TULP4: variants seen among roughly 807,000 people sequenced by gnomAD.
TULP4 encodes TUB like protein 4.
In TULP4, 16 loss-of-function variants were observed where a neutral mutation model predicts 129.0. The ratio of observed to expected loss-of-function variants is 0.12; its 90% CI spans 0.08 to 0.19. The LOEUF is 0.19. Among genes scored for constraint, TULP4 ranks in the 10% least tolerant of loss-of-function variants. TULP4 has a pLI of 1.00. For missense variants in TULP4, 1,842 were observed against 2,059.1 expected, an observed-to-expected ratio of 0.89 and a Z score of 2.04; for synonymous variants, 998 against 854.0, an observed-to-expected ratio of 1.17 and a Z score of -2.94.
chr6:158,436,895 G>T (rs931172504), intron 3 of TULP4, among the ~76,000 whole-genome samples: 1 of 152,170 alleles, frequency 6.6e-6, no homozygotes, highest in African/African-American at 2.4e-5. Flanking sequence ...TAGAAAGTGG[G>T]TAGGTTTATC....
At chr6:158,250,945 T>C (rs1313979000) in intron 1 of TULP4, among the ~76,000 whole-genome samples, 2 of 152,204 alleles carry the variant, frequency 1.3e-5, no homozygotes, top group African/African-American at 4.8e-5. Context: ...CACTTATTCA[T>C]TATTTATTAC....
intron 13 of TULP4, among the ~76,000 whole-genome samples, chr6:158,505,168 G>A (rs758803709): frequency 1.8e-4 from 28 of 152,232 alleles, no homozygotes; most frequent in Admixed American, 2.0e-4. Context: ...TTGGGTCCTA[G>A]TTCTTCCCTG....
chr6:158,503,950 C>G lies in TULP4; in HGVS notation c.4287C>G (p.Gly1429=), dbSNP rs763099063. 1.9e-6 allele frequency: 3 copies of G among 1,613,664 alleles called. No homozygotes were observed. The Admixed American group carries it at 5.0e-5, about 27-fold the overall frequency. ...LMNQSQGSRK[G]WKSKRSPRAA... ...ACCAGAGCCAGGGCAGCAGAAAGGGCTGGAAAAGCAAGCGCTCCCCACGGG... is the reference window on the plus strand; with the variant it reads ...ACCAGAGCCAGGGCAGCAGAAAGGGGTGGAAAAGCAAGCGCTCCCCACGGG... The change falls in exon 13 of 14, where the codon GGC becomes GGG. Residue 1429 remains glycine (G), a synonymous_variant. Transcript: ENST00000367097. This position sits in a 1 kb window ranked among gnomAD's most constrained non-coding sequence, Gnocchi z 4.3.
chr6:158,502,757 C>T lies in TULP4; in HGVS notation c.3094C>T (p.Pro1032Ser). The change falls in exon 13 of 14, where the codon CCT (proline) becomes TCT (serine). Residue 1032 changes from proline to serine, a missense_variant. Pro to Ser is a moderately conservative substitution (Grantham distance 74). Around this residue, in one of 5 missense-constraint regions of TULP4, gnomAD observed 1,089 missense variants for 987.1 expected, o/e 1.10. Transcript: ENST00000367097. Reference protein sequence around the residue: ...VVTQLPARPPPALYTCSQCSG... With the variant: ...VVTQLPARPPSALYTCSQCSG... Reference sequence around the variant, plus strand: ...GACACAGCTCCCAGCGCGGCCCCCACCTGCCCTGTACACCTGCAGTCAGTG... The same window carrying T: ...GACACAGCTCCCAGCGCGGCCCCCATCTGCCCTGTACACCTGCAGTCAGTG... 4 of 1,598,354 alleles carry T rather than the reference C, an allele frequency of 2.5e-6. No individual in the cohort carries two copies. The South Asian group carries it at 4.4e-5, about 18-fold the overall frequency.
intron 1 of TULP4, among the ~76,000 whole-genome samples, chr6:158,287,081 T>C (rs1331836775): frequency 6.6e-6 from 1 of 152,178 alleles, no homozygotes; most frequent in Admixed American, 6.5e-5. Flanking sequence ...GTTCATATTG[T>C]AGTAGGGAAG....
In TULP4 at chr6:158,413,309, G is replaced by A; in HGVS notation, c.381+116G>A. 2.5e-6 allele frequency: 3 copies of A among 1,215,826 alleles called. No homozygotes were observed. Among genetic ancestry groups the A allele is most frequent in the Non-Finnish European group, 3.3e-6 (3 of 907,450 alleles). The allele number at this position is 1,215,826 out of a possible 1,614,324, so 75.3% of individuals were successfully genotyped here. On this transcript the variant is annotated intron_variant, in intron 2 of 13. Transcript: ENST00000367097. This position sits in a 1 kb window ranked among gnomAD's most constrained non-coding sequence, Gnocchi z 4.9. ...AGCGCCACGTGCTCCAGAGCTGGGG[G>A]AAGAGAAATCAATCAAATTAGAATC...
intron 13 of TULP4, among the ~76,000 whole-genome samples, chr6:158,506,162 G>A (rs1037706448): frequency 4.7e-5 from 7 of 150,522 alleles, no homozygotes; most frequent in South Asian, 2.1e-4. Context: ...TCTCATAGAC[G>A]GTGCTGTCTG....
intron 1 of TULP4, among the ~76,000 whole-genome samples, chr6:158,323,269 A>G (rs558965872): frequency 1.3e-4 from 20 of 152,200 alleles, no homozygotes; most frequent in Non-Finnish European, 2.4e-4. Flanking sequence ...TGAGCATGCT[A>G]CACTTTTTAT....
rs1780293825 is a variant in TULP4 at position 158,494,806 on chromosome 6, T to C, written c.1830T>C (p.Ile610=). Residue 610 remains isoleucine (I), a synonymous_variant, in exon 11 of 14, where the codon ATT becomes ATC. Coordinates refer to ENST00000367097, the MANE Select transcript of TULP4 (RefSeq NM_020245.5). ...TSNIWGTKFK[I]VGLAAFLPTN... is the part of the protein sequence containing the mutation. Reference sequence around the variant, plus strand: ...ATATCTGGGGAACCAAATTTAAGATTGTGGGCTTGGCTGCTTTCCTGCCAA... The same window carrying C: ...ATATCTGGGGAACCAAATTTAAGATCGTGGGCTTGGCTGCTTTCCTGCCAA... 4.3e-6 allele frequency: 7 copies of C among 1,614,140 alleles called. No homozygotes were observed. The highest frequency in any genetic ancestry group is 5.9e-6 in the Non-Finnish European group (7 of 1,180,028).
At chr6:158,235,181 GAA>G (rs371171313) in intron 1 of TULP4, among the ~76,000 whole-genome samples, 1 of 136,290 alleles carries the variant, frequency 7.3e-6, no homozygotes. Flanking sequence ...CTGTCTCAAA[GAA>G]AAAAAAAAAA....
rs115368748 is a variant in TULP4 at position 158,502,542 on chromosome 6, C to T, written c.2879C>T (p.Pro960Leu). The change falls in exon 13 of 14, where the codon CCG becomes CTG. Residue 960 changes from proline to leucine, a missense_variant. Coordinates refer to ENST00000367097, the MANE Select transcript of TULP4 (RefSeq NM_020245.5). ...RYSIPTGDPPPYPEIASQLAQ... is the reference protein window; with the variant it reads ...RYSIPTGDPPLYPEIASQLAQ... ...TCCATCCCCACCGGGGACCCACCCCCGTATCCTGAAATTGCCAGCCAGCTG... is the reference window on the plus strand; with the variant it reads ...TCCATCCCCACCGGGGACCCACCCCTGTATCCTGAAATTGCCAGCCAGCTG... 1.1e-4 allele frequency: 170 copies of T among 1,609,628 alleles called. No individual in the cohort carries two copies. Among genetic ancestry groups the T allele is most frequent in the South Asian group, 2.0e-4 (18 of 91,088 alleles).
chr6:158,349,551 AGAC>A (rs1780439480), intron 1 of TULP4, among the ~76,000 whole-genome samples: 3 of 124,014 alleles, frequency 2.4e-5, no homozygotes, highest in African/African-American at 3.1e-5. Flanking sequence ...CTCACATCCC[AGAC>A]GATGGGTGGC....
rs1562493298 is a variant in TULP4, at chr6:158,246,026, GT to G, written n.68+13724del. Reference sequence around the variant, plus strand: ...AGTAATTTGCCTACCCCTTAGGGGTGTGTGTGTGTGTGTGTGTGTGTGTGTG... The same window carrying G: ...AGTAATTTGCCTACCCCTTAGGGGTGGTGTGTGTGTGTGTGTGTGTGTGTG... On this transcript the variant is annotated intron_variant and non_coding_transcript_variant, in intron 1 of 1. Coordinates refer to the TULP4 transcript ENST00000620026. Among the ~76,000 whole-genome samples the G allele has an allele frequency of 1.1e-3, 83 of 74,232 alleles. 1 individual carries two copies. The highest frequency in any genetic ancestry group is 7.5e-3 in the East Asian group (24 of 3,186). 48.7% of individuals were successfully genotyped at this position (74,232 alleles called of 152,430 possible).
Position 158,501,842 on chromosome 6 carries a change from C to A in TULP4, c.2179C>A (p.Gln727Lys). 1 of 1,614,166 alleles carries A rather than the reference C, an allele frequency of 6.2e-7. No homozygotes were observed. Among genetic ancestry groups the A allele is most frequent in the Non-Finnish European group, 8.5e-7 (1 of 1,180,022 alleles). The change falls in exon 13 of 14, where the codon CAG becomes AAG. Residue 727 changes from glutamine to lysine, a missense_variant. This residue lies in a region of TULP4 where 1,089 missense variants were observed against 987.1 expected (regional missense o/e 1.10). Transcript: ENST00000367097. ...TGTGCAGCTAGATGTCCTGACCAACCAGACGACAGCTGTAGGGACAGCAGA... is the reference window on the plus strand; with the variant it reads ...TGTGCAGCTAGATGTCCTGACCAACAAGACGACAGCTGTAGGGACAGCAGA... ...QNVQLDVLTN[Q>K]TTAVGTAEHA...
intron 1 of TULP4, among the ~76,000 whole-genome samples, chr6:158,324,947 T>TGGACA (rs1023274531): frequency 1.3e-4 from 20 of 152,080 alleles, no homozygotes; most frequent in Admixed American, 6.5e-5. Context: ...ATGGAAGAGT[T>TGGACA]TGGTGAAGTG....
Position 158,366,931 on chromosome 6 carries a change from CCAAA to C in TULP4, c.253-46131_253-46128del, listed in dbSNP as rs537641337. ...ACTTTCCTGTCCTTATGCGTCTGGG[CCAAA>C]CAGTCTCATGAATTATTGATCGCAG... On this transcript the variant is annotated intron_variant, in intron 1 of 13. Transcript: ENST00000367097. Among the ~76,000 whole-genome samples the C allele has an allele frequency of 1.7e-3, 260 of 152,270 alleles. 1 individual carries two copies. Among genetic ancestry groups the C allele is most frequent in the African/African-American group, 6.0e-3 (251 of 41,546 alleles).
intron 8 of TULP4, among the ~76,000 whole-genome samples, chr6:158,488,810 G>A (rs76432619): frequency 0.014 from 2,106 of 152,044 alleles, 51 homozygotes; most frequent in African/African-American, 0.047. Flanking sequence ...GGGGTGTGTG[G>A]GGGATTTGGG....
intron 1 of TULP4, among the ~76,000 whole-genome samples, chr6:158,251,788 T>A (rs1160973484): frequency 6.6e-6 from 1 of 152,142 alleles, no homozygotes; most frequent in Non-Finnish European, 1.5e-5. Context: ...CAGTGCAGAG[T>A]CTTTGTACTC....
At chr6:158,367,189 C>T (rs1339620899) in intron 1 of TULP4, among the ~76,000 whole-genome samples, 1 of 152,192 alleles carries the variant, frequency 6.6e-6, no homozygotes, top group Non-Finnish European at 1.5e-5. Context: ...CTTCAGAGAC[C>T]TGGATGCTCC....
Sources: gnomAD v4.1 joint callset for allele counts (sites outside exome capture counted in the v4.1 genomes callset) on GRCh38, gnomAD v4.1.1 for gene constraint, gnomAD v4.1.1 regional missense constraint, Gnocchi (gnomAD v3.1) non-coding constraint, MANE v1.5 for transcripts, NCBI Gene and HGNC (gene_info 2026-07-23, HGNC 2026-07-21) for gene names.